DIP2C: variants seen among roughly 807,000 people sequenced by gnomAD.
The protein encoded by DIP2C is DIP2 acetate--CoA ligase C (putative), also known as disco-interacting protein 2 homolog C.
DIP2C carries 33 observed loss-of-function variants against 192.4 expected under a neutral mutation model. That is an observed-to-expected ratio of 0.17 (90% CI 0.13 to 0.23). The LOEUF is 0.23. DIP2C is among the 10% of genes least tolerant of loss of function. The pLI is 1.00. For synonymous variants in DIP2C, 979 were observed against 864.1 expected, an observed-to-expected ratio of 1.13 and a Z score of -2.33; for missense variants, 1,537 against 2,110.1, an observed-to-expected ratio of 0.73 and a Z score of 5.32.
Position 348,902 on chromosome 10 carries a change from G to A in DIP2C, c.3110-140C>T, listed in dbSNP as rs1958652367. 4 of 1,326,546 alleles carry A rather than the reference G, an allele frequency of 3.0e-6. No homozygotes were observed. In the South Asian group the frequency reaches 4.2e-5, roughly 14 times the overall value. The allele number at this position is 1,326,546 out of a possible 1,614,324, so 82.2% of individuals were successfully genotyped here. A position where few individuals can be genotyped will look rare whatever the true frequency, so the allele number is the denominator to read the frequency against. On this transcript the variant is annotated intron_variant, in intron 25 of 36. Coordinates refer to ENST00000280886, the MANE Select transcript of DIP2C (RefSeq NM_014974.3). ...GCTTCTCACAGCCTCCGTCATCCTG[G>A]CGGGTTTTGTCAGCTTTGGCGGTCA...
At chr10:573,875 A>T (rs1046280651) in intron 1 of DIP2C, among the ~76,000 whole-genome samples, 14 of 152,242 alleles carry the variant, frequency 9.2e-5, no homozygotes, top group Admixed American at 3.9e-4. Flanking sequence ...TATTCACAGA[A>T]GCAGCATTCT....
intron 32 of DIP2C, among the ~76,000 whole-genome samples, chr10:288,963 T>C (rs1955317939): frequency 6.6e-6 from 1 of 152,206 alleles, no homozygotes; most frequent in African/African-American, 2.4e-5. Flanking sequence ...TAATTTAATC[T>C]TAAGAACTGC....
chr10:524,642 C>T (rs1588386244), intron 1 of DIP2C, among the ~76,000 whole-genome samples: 1 of 152,174 alleles, frequency 6.6e-6, no homozygotes, highest in Admixed American at 6.5e-5. Flanking sequence ...ACAAAACATT[C>T]TCTAAGTATT....
At chr10:431,459 T>C (rs1188807553) in intron 4 of DIP2C, among the ~76,000 whole-genome samples, 1 of 152,132 alleles carries the variant, frequency 6.6e-6, no homozygotes, top group Non-Finnish European at 1.5e-5. Context: ...TTTTAAATTA[T>C]TATTTTTAGT....
intron 2 of DIP2C, among the ~76,000 whole-genome samples, chr10:485,441 C>T (rs1843944936): frequency 6.6e-6 from 1 of 152,356 alleles, no homozygotes; most frequent in Admixed American, 6.5e-5. Context: ...GCGTCTATCC[C>T]TGACTTAAGC....
chr10:526,075 C>A (rs373062658), intron 1 of DIP2C, among the ~76,000 whole-genome samples: 2 of 152,202 alleles, frequency 1.3e-5, no homozygotes, highest in African/African-American at 4.8e-5. Context: ...CACTCACCAT[C>A]GGTCCCAAGT....
chr10:352,590 C>T (rs559329266), intron 24 of DIP2C, among the ~76,000 whole-genome samples: 3 of 152,306 alleles, frequency 2.0e-5, no homozygotes, highest in East Asian at 3.9e-4. Flanking sequence ...CATGAGCAGA[C>T]ACCCCTCGCT....
intron 3 of DIP2C, among the ~76,000 whole-genome samples, chr10:465,155 C>A (rs1186291215): frequency 7.9e-6 from 1 of 127,178 alleles, no homozygotes; most frequent in African/African-American, 3.0e-5. Flanking sequence ...ACTGGCAAAC[C>A]GAATCCAGCA....
At chr10:544,221 G>A (rs1019159877) in intron 1 of DIP2C, among the ~76,000 whole-genome samples, 3 of 152,188 alleles carry the variant, frequency 2.0e-5, no homozygotes, top group Non-Finnish European at 4.4e-5. Context: ...GACCTTTGGT[G>A]TGACCTTTGG....
intron 9 of DIP2C, among the ~76,000 whole-genome samples, chr10:401,402 T>G (rs1426921020): frequency 6.6e-6 from 1 of 151,752 alleles, no homozygotes; most frequent in Admixed American, 6.6e-5. Context: ...TACATTTTCA[T>G]CAGCACATGA....
At chr10:334,047 G>A (rs550830721) in intron 29 of DIP2C, among the ~76,000 whole-genome samples, 20 of 152,318 alleles carry the variant, frequency 1.3e-4, no homozygotes, top group African/African-American at 4.6e-4. Context: ...GCTCACGCCT[G>A]TAATCCCAGC....
chr10:477,054 G>GA (rs1843085561), intron 2 of DIP2C, among the ~76,000 whole-genome samples: 1 of 149,034 alleles, frequency 6.7e-6, no homozygotes, highest in Non-Finnish European at 1.5e-5. Context: ...CTTTCCTCTA[G>GA]AATTACAGCA....
chr10:631,823 T>C (rs1255735517), intron 1 of DIP2C, among the ~76,000 whole-genome samples: 1 of 152,238 alleles, frequency 6.6e-6, no homozygotes, highest in Non-Finnish European at 1.5e-5. Context: ...GCATGAAGTT[T>C]GGCGAAGGCA....
chr10:579,332 T>G (rs1564222713), intron 1 of DIP2C, among the ~76,000 whole-genome samples: 1 of 151,924 alleles, frequency 6.6e-6, no homozygotes, highest in East Asian at 1.9e-4. Context: ...CGTGTGTACA[T>G]GCATAGTGTA....
chr10:541,309 GCA>G (rs1420764615), intron 1 of DIP2C, among the ~76,000 whole-genome samples: 6 of 152,140 alleles, frequency 3.9e-5, no homozygotes, highest in Non-Finnish European at 5.9e-5. Flanking sequence ...AAATGTCAAA[GCA>G]CAGACATGCT....
chr10:617,942 G>A (rs754664936), intron 1 of DIP2C, among the ~76,000 whole-genome samples: 2 of 152,136 alleles, frequency 1.3e-5, no homozygotes, highest in Non-Finnish European at 2.9e-5. Context: ...CACTGCAGGT[G>A]TGACAATTTA....
Position 636,966 on chromosome 10 carries a change from C to T in DIP2C, c.85+52528G>A, listed in dbSNP as rs956884004. ...GCTGCGACCGGCACCACATGGGACT[C>T]GTGTGCACCAGCACCCACATCCCCG... On this transcript the variant is annotated intron_variant, in intron 1 of 36. Transcript: ENST00000280886. The surrounding 1 kb of genome is among the most constrained non-coding windows in gnomAD (Gnocchi z 4.6). Among the ~76,000 whole-genome samples, 6 of 152,368 alleles carry T rather than the reference C, an allele frequency of 3.9e-5. No individual in the cohort carries two copies. The highest frequency in any genetic ancestry group is 3.4e-3 in the Middle Eastern group (1 of 294).
chr10:346,417 A>C (rs376769483), intron 26 of DIP2C, among the ~76,000 whole-genome samples: 1 of 6,548 alleles, frequency 1.5e-4, no homozygotes, highest in Non-Finnish European at 4.7e-4. Flanking sequence ...CAACCCAGAC[A>C]TATCGCGTAT....
chr10:559,583 G>A (rs184255574), intron 1 of DIP2C, among the ~76,000 whole-genome samples: 6 of 152,316 alleles, frequency 3.9e-5, no homozygotes, highest in Non-Finnish European at 8.8e-5. Context: ...CTTGGTGTCT[G>A]GAGAAAGCAG....
Sources: allele counts gnomAD v4.1 joint callset (sites outside exome capture counted in the v4.1 genomes callset), GRCh38; gene constraint gnomAD v4.1.1; non-coding constraint Gnocchi (gnomAD v3.1); transcripts MANE v1.5; gene names NCBI Gene and HGNC (gene_info 2026-07-23, HGNC 2026-07-21).